Variants in SORBS2 observed in about 807,000 individuals in gnomAD.
SORBS2 encodes the protein sorbin and SH3 domain containing 2.
In SORBS2, 46 loss-of-function variants were observed where a neutral mutation model predicts 97.7. That is an observed-to-expected ratio of 0.47 (90% CI 0.37 to 0.60). SORBS2 has a LOEUF of 0.60. SORBS2 is among the 20% of genes least tolerant of loss of function. The pLI is 0.00. For missense variants in SORBS2, 1,316 were observed against 1,282.3 expected, an observed-to-expected ratio of 1.03 and a Z score of -0.40; for synonymous variants, 476 against 473.4, an observed-to-expected ratio of 1.01 and a Z score of -0.07.
At chr4:185,872,118 T>TATAG (rs1352091984) in intron 1 of SORBS2, among the ~76,000 whole-genome samples, 1 of 152,250 alleles carries the variant, frequency 6.6e-6, no homozygotes, top group African/African-American at 2.4e-5. Context: ...CATCATGCTC[T>TATAG]AGCCTCATTT....
chr4:185,763,407 A>G (rs1038377942), intron 2 of SORBS2, among the ~76,000 whole-genome samples: 3 of 152,016 alleles, frequency 2.0e-5, no homozygotes, highest in African/African-American at 7.2e-5. Context: ...TTCTCCTCCA[A>G]TCACCTGCCC....
Position 185,709,304 on chromosome 4 carries a change from C to CCTTTTTTTTTTTTTTTTTTTTTTTTTTT in SORBS2, c.-197-30483_-197-30482insAAAAAAAAAAAAAAAAAAAAAAAAAAAG, listed in dbSNP as rs1554199361. Among the ~76,000 whole-genome samples, 6 of 96,772 alleles carry CCTTTTTTTTTTTTTTTTTTTTTTTTTTT rather than the reference C, an allele frequency of 6.2e-5. 1 individual carries two copies. Among genetic ancestry groups the CCTTTTTTTTTTTTTTTTTTTTTTTTTTT allele is most frequent in the South Asian group, 7.0e-4 (2 of 2,846 alleles). 63.5% of individuals were successfully genotyped at this position (96,772 alleles called of 152,430 possible). ...GCATGAGCCGCTGTGCTGGCCAAATCTTTTTTTTTTTTTTTTTTTTAGTAA... is the reference window on the plus strand; with the variant it reads ...GCATGAGCCGCTGTGCTGGCCAAATCCTTTTTTTTTTTTTTTTTTTTTTTTTTTTTTTTTTTTTTTTTTTTTTTAGTAA... On this transcript the variant is annotated intron_variant, in intron 2 of 20. Transcript: ENST00000284776.
intron 2 of SORBS2, among the ~76,000 whole-genome samples, chr4:185,650,107 C>T (rs2097286998): frequency 6.6e-6 from 1 of 152,254 alleles, no homozygotes; most frequent in Admixed American, 6.5e-5. Context: ...TGTAGTCAAA[C>T]AAAATATTGC....
At chr4:185,891,364 C>T (rs2099242414) in intron 1 of SORBS2, among the ~76,000 whole-genome samples, 1 of 152,180 alleles carries the variant, frequency 6.6e-6, no homozygotes, top group South Asian at 2.1e-4. Context: ...GACAGCCTTT[C>T]CCAAACCTAC....
rs1428562441 is a variant in SORBS2 at position 185,641,758 on chromosome 4, A to C, written c.396+4910T>G. Among the ~76,000 whole-genome samples the C allele has an allele frequency of 2.1e-5, 3 of 146,134 alleles. No homozygotes were observed. In the East Asian group the frequency reaches 5.8e-4, roughly 28 times the overall value. ...GATTTTTTTGTTGTTGTTTCTTTTC[A>C]TTAAAAAAAAAAAAAAACCCACCAG... On this transcript the variant is annotated intron_variant, in intron 4 of 14. Coordinates refer to ENST00000418609, the Ensembl canonical transcript of SORBS2.
At chr4:185,678,482 C>A in exon 4 of SORBS2, 2 of 1,550,920 alleles carry the variant, frequency 1.3e-6, no homozygotes, top group Non-Finnish European at 8.7e-7. Flanking sequence ...CCTTTTGCTG[C>A]AAGAGAGGAA....
chr4:185,892,914 G>A (rs891065682), intron 1 of SORBS2, among the ~76,000 whole-genome samples: 3 of 152,078 alleles, frequency 2.0e-5, no homozygotes, highest in Non-Finnish European at 2.9e-5. Context: ...GGCTAAAATG[G>A]TCAATTTTAT....
At chr4:185,937,402 T>G (rs1405015495) in intron 1 of SORBS2, among the ~76,000 whole-genome samples, 1 of 152,232 alleles carries the variant, frequency 6.6e-6, no homozygotes, top group Non-Finnish European at 1.5e-5. Flanking sequence ...ATGAAGTAGC[T>G]GCTTAGCCAT....
At chr4:185,742,551 G>A (rs1378366493) in intron 2 of SORBS2, among the ~76,000 whole-genome samples, 3 of 152,136 alleles carry the variant, frequency 2.0e-5, no homozygotes. Context: ...CCATTCCAGG[G>A]CATTTTTCTT....
At chr4:185,942,436 T>C (rs1171437026) in intron 1 of SORBS2, among the ~76,000 whole-genome samples, 1 of 151,928 alleles carries the variant, frequency 6.6e-6, no homozygotes, top group Non-Finnish European at 1.5e-5. Flanking sequence ...CTGCAACCTC[T>C]GCCTCCCGGG....
chr4:185,818,539 C>G (rs1291009561), intron 1 of SORBS2, among the ~76,000 whole-genome samples: 1 of 152,114 alleles, frequency 6.6e-6, no homozygotes, highest in East Asian at 1.9e-4. Flanking sequence ...CAGATCATTG[C>G]CTTGAACTGA....
chr4:185,724,299 G>A (rs535452656), intron 2 of SORBS2, among the ~76,000 whole-genome samples: 43 of 146,008 alleles, frequency 2.9e-4, no homozygotes, highest in African/African-American at 1.0e-3. Flanking sequence ...TGTTTTTATT[G>A]AATACTTGGG....
chr4:185,792,269 G>A (rs1380370899), intron 1 of SORBS2, among the ~76,000 whole-genome samples: 2 of 152,180 alleles, frequency 1.3e-5, no homozygotes, highest in African/African-American at 4.8e-5. Flanking sequence ...CAAGATGGGA[G>A]GATCACCTGA....
chr4:185,827,991 T>G (rs62335734), intron 1 of SORBS2, among the ~76,000 whole-genome samples: 1 of 32,362 alleles, frequency 3.1e-5, no homozygotes, highest in African/African-American at 9.7e-5. Flanking sequence ...ATCATCATCA[T>G]CATCACCATC....
intron 1 of SORBS2, chr4:185,812,156 TAA>T (rs1367865647): frequency 6.6e-6 from 1 of 152,240 alleles, no homozygotes; most frequent in Non-Finnish European, 1.5e-5. Flanking sequence ...AAGAGATGTA[TAA>T]AAGAGGCTTC....
chr4:185,660,112 G>T (rs1050643936), upstream of SORBS2, among the ~76,000 whole-genome samples: 4 of 152,086 alleles, frequency 2.6e-5, no homozygotes, highest in African/African-American at 9.7e-5. Context: ...TGTTTACATT[G>T]GGAATTTCTT....
chr4:185,950,499 G>A (rs981051331), intron 1 of SORBS2, among the ~76,000 whole-genome samples: 3 of 152,140 alleles, frequency 2.0e-5, no homozygotes, highest in Non-Finnish European at 4.4e-5. Flanking sequence ...TGCAGGTTGA[G>A]GGTTTGGAGG....
intron 8 of SORBS2, among the ~76,000 whole-genome samples, chr4:185,618,846 T>A (rs576514753): frequency 6.6e-6 from 1 of 152,324 alleles, no homozygotes; most frequent in Admixed American, 6.5e-5. Flanking sequence ...CACCATCATA[T>A]TTAATCTTAG....
At chr4:185,603,248 TA>T (rs139587451) in intron 12 of SORBS2, among the ~76,000 whole-genome samples, 6 of 149,252 alleles carry the variant, frequency 4.0e-5, no homozygotes, top group Admixed American at 2.0e-4. Flanking sequence ...AAGAACAAGT[TA>T]AAAAAAAAGA....
Sources: allele counts gnomAD v4.1 joint callset (sites outside exome capture counted in the v4.1 genomes callset), GRCh38; gene constraint gnomAD v4.1.1; transcripts MANE v1.5; gene names NCBI Gene and HGNC (gene_info 2026-07-23, HGNC 2026-07-21).